Variants in FSTL5 observed in about 807,000 individuals in gnomAD.
FSTL5 encodes follistatin-related protein 5.
A neutral mutation model predicts 89.1 loss-of-function variants in FSTL5; 62 were observed. The ratio of observed to expected loss-of-function variants is 0.70; its 90% CI spans 0.57 to 0.86. FSTL5 has a LOEUF of 0.86. Among genes scored for constraint, FSTL5 ranks in the 40% least tolerant of loss-of-function variants. FSTL5 has a pLI of 0.00. For synonymous variants in FSTL5, 383 were observed against 346.2 expected, an observed-to-expected ratio of 1.11 and a Z score of -1.18; for missense variants, 1,057 against 1,001.6, an observed-to-expected ratio of 1.06 and a Z score of -0.75.
intron 7 of FSTL5, among the ~76,000 whole-genome samples, chr4:161,592,843 G>C (rs1302732016): frequency 6.6e-6 from 1 of 152,074 alleles, no homozygotes; most frequent in Non-Finnish European, 1.5e-5. Flanking sequence ...TTGAGGAATC[G>C]CCACACTGTC....
chr4:161,706,236 G>T (rs565073613), intron 6 of FSTL5, among the ~76,000 whole-genome samples: 2 of 151,424 alleles, frequency 1.3e-5, no homozygotes, highest in Non-Finnish European at 1.5e-5. Flanking sequence ...TTATCTATTA[G>T]CCTGTAGTAA....
intron 2 of FSTL5, among the ~76,000 whole-genome samples, chr4:162,109,673 C>A (rs1250974328): frequency 6.6e-6 from 1 of 151,910 alleles, no homozygotes; most frequent in African/African-American, 2.4e-5. Flanking sequence ...TATATACTAA[C>A]ACATTAAAAC....
intron 3 of FSTL5, among the ~76,000 whole-genome samples, chr4:162,019,916 CATT>C (rs753727088): frequency 2.0e-5 from 3 of 149,396 alleles, no homozygotes; most frequent in East Asian, 1.9e-4. Context: ...ACTTTAGAGA[CATT>C]GTTGTGAATT....
rs1553983485 is a variant in FSTL5, at chr4:161,929,687, G to GTGTGTGTATA, written c.161-9036_161-9035insTATACACACA. Among the ~76,000 whole-genome samples the GTGTGTGTATA allele has an allele frequency of 2.2e-3, 252 of 116,608 alleles. 1 individual carries two copies. The highest frequency in any genetic ancestry group is 6.7e-3 in the African/African-American group (240 of 35,780). 76.5% of individuals were successfully genotyped at this position (116,608 alleles called of 152,430 possible). On this transcript the variant is annotated intron_variant, in intron 3 of 15. Transcript: ENST00000306100. ...TGTGTGTGTGTGTGTGTGTGTGTGT[G>GTGTGTGTATA]TGTGTGTGTGTGTGTACATAGTTTA...
intron 7 of FSTL5, among the ~76,000 whole-genome samples, chr4:161,630,951 G>C (rs1170477787): frequency 6.6e-6 from 1 of 152,224 alleles, no homozygotes; most frequent in East Asian, 1.9e-4. Flanking sequence ...TGACACAAAT[G>C]CTCTTCTGCG....
At chr4:161,516,480 A>C (rs992482295) in intron 10 of FSTL5, among the ~76,000 whole-genome samples, 3 of 147,330 alleles carry the variant, frequency 2.0e-5, no homozygotes, top group Admixed American at 1.4e-4. Context: ...GTATATATGT[A>C]TAGTGAATTT....
At chr4:161,910,476 T>C (rs1258121770) in intron 4 of FSTL5, among the ~76,000 whole-genome samples, 2 of 152,188 alleles carry the variant, frequency 1.3e-5, no homozygotes, top group Admixed American at 6.5e-5. Context: ...TAAATCACTA[T>C]ATACCTGTAT....
chr4:161,798,002 C>A, intron 4 of FSTL5, among the ~76,000 whole-genome samples: 1 of 151,514 alleles, frequency 6.6e-6, no homozygotes, highest in East Asian at 1.9e-4. Context: ...AAAAGTTAGA[C>A]CTCATTTATC....
At chr4:161,833,710 CT>C (rs1199459204) in intron 4 of FSTL5, among the ~76,000 whole-genome samples, 1 of 151,666 alleles carries the variant, frequency 6.6e-6, no homozygotes, top group African/African-American at 2.4e-5. Context: ...CAACCCCTGC[CT>C]TTTTTTGCTT....
intron 15 of FSTL5, among the ~76,000 whole-genome samples, chr4:161,431,541 G>GAGAAAGA (rs2126341534): frequency 6.6e-6 from 1 of 150,578 alleles, no homozygotes; most frequent in East Asian, 1.9e-4. Flanking sequence ...GACAGAAAGG[G>GAGAAAGA]AGAAAGAAGA....
intron 1 of FSTL5, among the ~76,000 whole-genome samples, chr4:162,114,487 CTT>C (rs1276111807): frequency 1.3e-5 from 2 of 151,232 alleles, no homozygotes; most frequent in Non-Finnish European, 2.9e-5. Context: ...CCTCCCTCTC[CTT>C]TTCTCTCTCT....
intron 2 of FSTL5, among the ~76,000 whole-genome samples, chr4:162,039,191 C>A (rs1273413918): frequency 6.6e-6 from 1 of 151,500 alleles, no homozygotes; most frequent in South Asian, 2.1e-4. Flanking sequence ...GTACTTTTCA[C>A]TATACATAAA....
rs558524015 is a variant in FSTL5, at chr4:161,974,937, G to A, written c.161-54285C>T. The stretch of plus-strand genomic sequence containing the variant: ...AACAAACAACCCCTTCAAAAAGTGG[G>A]CAAAGGACATGAACAGACACTTCTC... On this transcript the variant is annotated intron_variant, in intron 3 of 15. Coordinates refer to ENST00000306100, the MANE Select transcript of FSTL5 (RefSeq NM_020116.5). Among the ~76,000 whole-genome samples the A allele has an allele frequency of 9.7e-3, 1,443 of 149,446 alleles. 27 individuals are homozygous for A. The highest frequency in any genetic ancestry group is 0.032 in the African/African-American group (1,299 of 40,398).
intron 6 of FSTL5, among the ~76,000 whole-genome samples, chr4:161,742,927 A>G (rs1305878086): frequency 6.6e-6 from 1 of 151,052 alleles, no homozygotes; most frequent in Non-Finnish European, 1.5e-5. Flanking sequence ...TATATCTTTG[A>G]AAAAAAAATC....
intron 15 of FSTL5, among the ~76,000 whole-genome samples, chr4:161,442,123 T>C (rs903467703): frequency 2.6e-4 from 39 of 150,860 alleles, no homozygotes; most frequent in African/African-American, 9.5e-4. Flanking sequence ...TGCTTTGCTT[T>C]GCTTCCAGTT....
intron 8 of FSTL5, among the ~76,000 whole-genome samples, chr4:161,571,350 A>T (rs1366945761): frequency 1.3e-5 from 2 of 152,116 alleles, no homozygotes; most frequent in African/African-American, 4.8e-5. Flanking sequence ...CCCACAGAAA[A>T]ATATAGAGGA....
intron 8 of FSTL5, among the ~76,000 whole-genome samples, chr4:161,571,488 A>G (rs1177362783): frequency 1.3e-5 from 2 of 152,174 alleles, no homozygotes; most frequent in Admixed American, 1.3e-4. Context: ...AAAGAAGGCT[A>G]AACTGTTATA....
chr4:161,765,229 C>CA (rs1306494239), intron 5 of FSTL5, among the ~76,000 whole-genome samples: 2 of 152,128 alleles, frequency 1.3e-5, no homozygotes, highest in Non-Finnish European at 2.9e-5. Flanking sequence ...ATGATCTGGA[C>CA]AAACATCATT....
intron 6 of FSTL5, among the ~76,000 whole-genome samples, chr4:161,710,919 T>C (rs1231483289): frequency 6.6e-6 from 1 of 152,112 alleles, no homozygotes; most frequent in East Asian, 1.9e-4. Flanking sequence ...TATGTATAAA[T>C]TAGCACAGTC....
Sources: allele counts gnomAD v4.1 joint callset (sites outside exome capture counted in the v4.1 genomes callset), GRCh38; gene constraint gnomAD v4.1.1; transcripts MANE v1.5; gene names NCBI Gene and HGNC (gene_info 2026-07-23, HGNC 2026-07-21).